LY96: variants seen among roughly 807,000 people sequenced by gnomAD.
LY96 encodes lymphocyte antigen 96, also known as myeloid differentiation protein-2.
LY96 carries 18 observed loss-of-function variants against 18.9 expected under a neutral mutation model. The observed-to-expected ratio is 0.95, with a 90% CI of 0.66 to 1.41. The LOEUF (loss-of-function observed/expected upper bound fraction) is 1.41, where lower values mean the gene tolerates loss of function less well. LY96 is among the 40% of genes most tolerant of loss of function. LY96 has a pLI of 0.00. For synonymous variants in LY96, 66 were observed against 62.6 expected (o/e 1.06, Z -0.26); for missense variants, 175 against 182.4 (o/e 0.96, Z 0.23).
the LY96 span, among the ~76,000 whole-genome samples, chr8:74,090,447 T>C: frequency 6.6e-6 from 1 of 152,316 alleles, no homozygotes; most frequent in African/African-American, 2.4e-5. Flanking sequence ...AATAGAGCTA[T>C]AAGAAATAAC....
the LY96 span, among the ~76,000 whole-genome samples, chr8:74,097,624 G>T: frequency 1.3e-5 from 2 of 152,126 alleles, no homozygotes; most frequent in African/African-American, 4.8e-5. Flanking sequence ...CAGGAGAATC[G>T]CTTGAACCCG....
chr8:74,081,067 ACTTTCTTTCTTCTCTTTCTCT>A, the LY96 span, among the ~76,000 whole-genome samples: 2 of 54,328 alleles, frequency 3.7e-5, no homozygotes, highest in Non-Finnish European at 7.6e-5. Flanking sequence ...TTTCTTTCTT[ACTTTCTTTCTTCTCTTTCTCT>A]CTTTCTTTCT....
the LY96 span, among the ~76,000 whole-genome samples, chr8:74,058,478 G>C: frequency 6.6e-6 from 1 of 151,752 alleles, no homozygotes; most frequent in Non-Finnish European, 1.5e-5. Flanking sequence ...AGAAGCAAAA[G>C]GATACTTACA....
the LY96 span, among the ~76,000 whole-genome samples, chr8:74,034,386 A>T: frequency 2.6e-5 from 4 of 151,756 alleles, no homozygotes; most frequent in African/African-American, 9.7e-5. Flanking sequence ...AAAAAAAAAA[A>T]TTCTTTAATA....
chr8:74,001,599 G>A lies in LY96; in HGVS notation c.113-3197G>A, dbSNP rs1266568941. On this transcript the variant is annotated intron_variant, in intron 1 of 4. Coordinates refer to ENST00000284818, the MANE Select transcript of LY96 (RefSeq NM_015364.5). ...ACATGTGGTGACTTATGCCTGTAAT[G>A]CCAGCACTTTGGGATGCTGAGGCAG... 2.6e-5 allele frequency among the ~76,000 whole-genome samples: 4 copies of A among 151,836 alleles called. No homozygotes were observed. The East Asian group carries it at 5.8e-4, about 22-fold the overall frequency.
Position 74,026,846 on chromosome 8 carries a change from T to A in LY96, c.384+5T>A. On this transcript the variant is annotated splice_donor_5th_base_variant and intron_variant, in intron 4 of 4. Coordinates refer to ENST00000284818, the MANE Select transcript of LY96 (RefSeq NM_015364.5). The stretch of plus-strand genomic sequence containing the variant: ...AAGGGAATAAAATTTTCTAAGGTAT[T>A]GTTCAAGATTTATTTTGTACTGTCT... The A allele has an allele frequency of 1.4e-6, 2 of 1,433,708 alleles. No homozygotes were observed. Among genetic ancestry groups the A allele is most frequent in the African/African-American group, 1.4e-5 (1 of 71,632 alleles). 88.8% of individuals were successfully genotyped at this position (1,433,708 alleles called of 1,614,324 possible).
At chr8:74,091,819 T>C in the LY96 span, among the ~76,000 whole-genome samples, 1 of 152,144 alleles carries the variant, frequency 6.6e-6, no homozygotes, top group African/African-American at 2.4e-5. Flanking sequence ...TTTGACATGG[T>C]CCTTCCTTCA....
the LY96 span, among the ~76,000 whole-genome samples, chr8:74,057,669 C>A: frequency 2.0e-5 from 3 of 152,220 alleles, no homozygotes; most frequent in Non-Finnish European, 2.9e-5. Context: ...CACACTCCCA[C>A]TTAGGTTTCT....
intron 1 of LY96, among the ~76,000 whole-genome samples, chr8:73,997,328 GCTCT>G (rs1366427991): frequency 1.3e-5 from 2 of 152,092 alleles, no homozygotes; most frequent in African/African-American, 4.8e-5. Context: ...GCTTCTCACT[GCTCT>G]CTAACACTCA....
At chr8:74,012,806 A>C (rs1816555879) in intron 3 of LY96, among the ~76,000 whole-genome samples, 1 of 152,098 alleles carries the variant, frequency 6.6e-6, no homozygotes, top group Admixed American at 6.5e-5. Flanking sequence ...ATTTACATAT[A>C]ATTTTTTTGT....
intron 3 of LY96, among the ~76,000 whole-genome samples, chr8:74,013,811 G>C (rs1039905208): frequency 1.3e-5 from 2 of 152,178 alleles, no homozygotes; most frequent in Admixed American, 1.3e-4. Context: ...GAATGTGCTT[G>C]TGGGGAATTG....
Position 74,004,811 on chromosome 8 carries a change from C to T in LY96, c.128C>T (p.Pro43Leu), listed in dbSNP as rs1816376660. 3 of 1,574,638 alleles carry T rather than the reference C, an allele frequency of 1.9e-6. No homozygotes were observed. Among genetic ancestry groups the T allele is most frequent in the Non-Finnish European group, 2.6e-6 (3 of 1,147,016 alleles). ...SYTYCDKMQYPISINVNPCIE... is the reference protein window; with the variant it reads ...SYTYCDKMQYLISINVNPCIE... The stretch of plus-strand genomic sequence containing the variant: ...TTGCTTTTAGATAAAATGCAATACC[C>T]AATTTCAATTAATGTTAACCCCTGT... The change falls in exon 2 of 5, where the codon CCA (proline) becomes CTA (leucine). Residue 43 changes from proline (P) to leucine (L), a missense_variant. By Grantham distance (98) the Pro-to-Leu change is moderately conservative. Transcript: ENST00000284818.
the LY96 span, among the ~76,000 whole-genome samples, chr8:74,054,625 T>A: frequency 9.7e-6 from 1 of 102,686 alleles, no homozygotes; most frequent in Non-Finnish European, 1.9e-5. Context: ...TCCTTCTTTC[T>A]TTCTTTCTTT....
At chr8:74,061,285 G>A in the LY96 span, among the ~76,000 whole-genome samples, 4 of 152,186 alleles carry the variant, frequency 2.6e-5, no homozygotes, top group African/African-American at 4.8e-5. Flanking sequence ...GATTAATGCC[G>A]TTATAAGAAG....
At chr8:74,007,595 C>G (rs1197379483) in intron 2 of LY96, among the ~76,000 whole-genome samples, 10 of 152,126 alleles carry the variant, frequency 6.6e-5, no homozygotes, top group African/African-American at 2.4e-4. Flanking sequence ...GAAATGATAT[C>G]TTTTGAGATG....
At chr8:74,067,108 C>T in the LY96 span, among the ~76,000 whole-genome samples, 2 of 152,190 alleles carry the variant, frequency 1.3e-5, no homozygotes, top group South Asian at 2.1e-4. Flanking sequence ...GTTTTGGTTA[C>T]AGGCATATGT....
At chr8:74,042,186 A>T in the LY96 span, among the ~76,000 whole-genome samples, 3,460 of 152,324 alleles carry the variant, frequency 0.023, 133 homozygotes, top group African/African-American at 0.076. Context: ...TAACAAAGGC[A>T]TGCATGCATT....
intron 3 of LY96, among the ~76,000 whole-genome samples, chr8:74,020,472 A>G (rs1392419851): frequency 2.0e-5 from 3 of 152,234 alleles, no homozygotes; most frequent in Non-Finnish European, 2.9e-5. Flanking sequence ...AGGAATCAAT[A>G]TTGTGAAAAT....
At chr8:74,021,398 G>A (rs1306985622) in intron 3 of LY96, among the ~76,000 whole-genome samples, 6 of 152,306 alleles carry the variant, frequency 3.9e-5, no homozygotes, top group Admixed American at 2.0e-4. Context: ...TTAGAAAGGC[G>A]ATTGTTAAAA....
Sources: allele counts gnomAD v4.1 joint callset (sites outside exome capture counted in the v4.1 genomes callset), GRCh38; gene constraint gnomAD v4.1.1; transcripts MANE v1.5; gene names NCBI Gene and HGNC (gene_info 2026-07-23, HGNC 2026-07-21).